The following PRSS12 variants were observed in gnomAD, a reference collection of about 807,000 sequenced individuals.
PRSS12 encodes the protein neurotrypsin.
A neutral mutation model predicts 104.4 loss-of-function variants in PRSS12; 85 were observed. The observed-to-expected ratio is 0.81, with a 90% CI of 0.68 to 0.98. PRSS12 has a LOEUF of 0.98. Ranked by LOEUF, PRSS12 falls within the 50% of genes least tolerant of loss-of-function variation. The pLI is 0.00. For missense variants in PRSS12, 1,141 were observed against 1,139.2 expected, an observed-to-expected ratio of 1.00 and a Z score of -0.02; for synonymous variants, 454 against 425.2, an observed-to-expected ratio of 1.07 and a Z score of -0.83.
intron 1 of PRSS12, among the ~76,000 whole-genome samples, chr4:118,347,826 T>C (rs542638404): frequency 1.3e-5 from 2 of 152,248 alleles, no homozygotes. Flanking sequence ...AGTGCTGCGA[T>C]TTCAGGCATG....
At chr4:118,288,869 C>T (rs1743067276) in intron 11 of PRSS12, among the ~76,000 whole-genome samples, 1 of 152,194 alleles carries the variant, frequency 6.6e-6, no homozygotes, top group Non-Finnish European at 1.5e-5. Flanking sequence ...CAGGCTACTG[C>T]ATTCCATGTG....
Position 118,352,862 on chromosome 4 carries a change from T to G in PRSS12, c.-142A>C. The G allele has an allele frequency of 6.9e-7, 1 of 1,441,092 alleles. No individual in the cohort carries two copies. The allele number at this position is 1,441,092 out of a possible 1,614,324, so 89.3% of individuals were successfully genotyped here. A position where few individuals can be genotyped will look rare whatever the true frequency, so the allele number is the denominator to read the frequency against. On this transcript the variant is annotated 5_prime_UTR_variant, in exon 1 of 13. Transcript: ENST00000296498. Reference sequence around the variant, plus strand: ...CCCCCGCACGCGGACCGCCCTCGCCTCCCCAACCTTGCCTCCCGCCGCTGG... The same window carrying G: ...CCCCCGCACGCGGACCGCCCTCGCCGCCCCAACCTTGCCTCCCGCCGCTGG...
intron 10 of PRSS12, 114 bp from the exon 11 acceptor site, chr4:118,295,175 G>T: frequency 1.1e-5 from 15 of 1,324,884 alleles, no homozygotes; most frequent in East Asian, 5.3e-5. Flanking sequence ...GGGGGAAAAG[G>T]AAAGCAAAAG....
chr4:118,321,370 CA>C (rs1291022527), intron 4 of PRSS12, among the ~76,000 whole-genome samples: 4 of 152,130 alleles, frequency 2.6e-5, no homozygotes, highest in African/African-American at 4.8e-5. Flanking sequence ...CTGACCATGT[CA>C]AAAAGCTTAT....
chr4:118,297,353 T>C (rs1275775638), intron 9 of PRSS12, among the ~76,000 whole-genome samples: 1 of 152,160 alleles, frequency 6.6e-6, no homozygotes, highest in African/African-American at 2.4e-5. Flanking sequence ...TTCAACTGCT[T>C]ACGGAATTTC....
intron 4 of PRSS12, among the ~76,000 whole-genome samples, chr4:118,320,474 A>T (rs1478267378): frequency 6.6e-6 from 1 of 152,204 alleles, no homozygotes; most frequent in African/African-American, 2.4e-5. Context: ...TTAGAGGGCC[A>T]GACACAGTGG....
At chr4:118,346,800 T>A (rs943555399) in intron 1 of PRSS12, among the ~76,000 whole-genome samples, 1 of 152,184 alleles carries the variant, frequency 6.6e-6, no homozygotes, top group Non-Finnish European at 1.5e-5. Flanking sequence ...CATTGCGAAC[T>A]GTGCATGCAA....
intron 3 of PRSS12, among the ~76,000 whole-genome samples, chr4:118,332,081 T>C (rs902363303): frequency 2.6e-5 from 4 of 152,160 alleles, no homozygotes; most frequent in Non-Finnish European, 5.9e-5. Context: ...CAAGTAACTC[T>C]TAGGAGGAAA....
chr4:118,300,603 G>A (rs773501617), intron 8 of PRSS12, among the ~76,000 whole-genome samples: 3 of 152,016 alleles, frequency 2.0e-5, no homozygotes, highest in Non-Finnish European at 4.4e-5. Flanking sequence ...GAAATCTCAA[G>A]TTAGGGAAAA....
chr4:118,316,837 A>AAAT (rs35698159), intron 5 of PRSS12, among the ~76,000 whole-genome samples: 73 of 99,192 alleles, frequency 7.4e-4, no homozygotes, highest in Non-Finnish European at 1.1e-3. Context: ...AAAAAAAAAA[A>AAAT]ATATATATAT....
chr4:118,316,123 A>G (rs879395012), intron 6 of PRSS12, 59 bp downstream of exon 6: 43 of 1,584,220 alleles, frequency 2.7e-5, no homozygotes, highest in African/African-American at 4.0e-5. Context: ...GATTAACATA[A>G]TAAGACTTTT....
chr4:118,324,555 G>T (rs1056424852), intron 4 of PRSS12, among the ~76,000 whole-genome samples: 29 of 151,986 alleles, frequency 1.9e-4, no homozygotes, highest in African/African-American at 7.0e-4. Context: ...AAAAGCAAAA[G>T]TTCTGGTTAA....
At chr4:118,288,966 T>G (rs1235770027) in intron 11 of PRSS12, among the ~76,000 whole-genome samples, 1 of 152,194 alleles carries the variant, frequency 6.6e-6, no homozygotes, top group Non-Finnish European at 1.5e-5. Context: ...CTTGTTACAT[T>G]GGCATGGAAA....
chr4:118,286,802 T>C (rs1261604684), intron 11 of PRSS12, among the ~76,000 whole-genome samples: 1 of 151,880 alleles, frequency 6.6e-6, no homozygotes, highest in Non-Finnish European at 1.5e-5. Context: ...ATCCATGGGG[T>C]TCAGATCCAC....
At chr4:118,329,875 T>A (rs539523681) in intron 4 of PRSS12, among the ~76,000 whole-genome samples, 1 of 152,300 alleles carries the variant, frequency 6.6e-6, no homozygotes, top group East Asian at 1.9e-4. Flanking sequence ...ACGCCCATAA[T>A]CATATGCTAT....
chr4:118,295,770 A>G lies in PRSS12; in HGVS notation c.1916+8T>C. Reference sequence around the variant, plus strand: ...AATATAAAAAATCTCTTTTGGAGGAACATTTACCTTAAAGAATTTTTCCCA... The same window carrying G: ...AATATAAAAAATCTCTTTTGGAGGAGCATTTACCTTAAAGAATTTTTCCCA... On this transcript the variant is annotated splice_region_variant and intron_variant, in intron 10 of 12. Transcript: ENST00000296498. 6.2e-7 allele frequency: 1 copy of G among 1,608,366 alleles called. No homozygotes were observed. Among genetic ancestry groups the G allele is most frequent in the Non-Finnish European group, 8.5e-7 (1 of 1,174,684 alleles).
chr4:118,282,721 T>A, intron 12 of PRSS12, 110 bp downstream of exon 12: 2 of 1,488,518 alleles, frequency 1.3e-6, no homozygotes, highest in South Asian at 2.3e-5. Context: ...AAGCAAAATT[T>A]CTCCAAATAA....
intron 9 of PRSS12, among the ~76,000 whole-genome samples, chr4:118,296,087 T>C (rs1743248957): frequency 1.3e-5 from 2 of 152,258 alleles, no homozygotes; most frequent in South Asian, 4.1e-4. Context: ...GAGGGGTTCA[T>C]GGGCTGCTGA....
In PRSS12 at chr4:118,318,429, G is replaced by C. The variant is rs945274717; in HGVS notation, c.1099C>G (p.His367Asp). The stretch of plus-strand genomic sequence containing the variant: ...GCATCTTCTTTATGGCCACAGTTAT[G>C]CTCTCCCCAGGAGCTCTTTGGACAC... ...EQCPKSSWGE[H>D]NCGHKEDAGV... Residue 367 changes from histidine to aspartate, a missense_variant, in exon 5 of 13, where the codon CAT becomes GAT. Coordinates refer to ENST00000296498, the MANE Select transcript of PRSS12 (RefSeq NM_003619.4). 7.4e-6 allele frequency: 12 copies of C among 1,613,972 alleles called. No individual in the cohort carries two copies. In the African/African-American group the frequency reaches 1.5e-4, roughly 20 times the overall value.
Sources: allele counts gnomAD v4.1 joint callset (sites outside exome capture counted in the v4.1 genomes callset), GRCh38; gene constraint gnomAD v4.1.1; transcripts MANE v1.5; gene names NCBI Gene and HGNC (gene_info 2026-07-23, HGNC 2026-07-21).